Variants in ARID4B observed in about 807,000 individuals in gnomAD.
ARID4B encodes AT-rich interaction domain 4B.
In ARID4B, 26 loss-of-function variants were observed where a neutral mutation model predicts 147.5. The ratio of observed to expected loss-of-function variants is 0.18; its 90% CI spans 0.13 to 0.24. The LOEUF (loss-of-function observed/expected upper bound fraction) is 0.24. Ranked by LOEUF, ARID4B falls within the 10% of genes least tolerant of loss-of-function variation. The pLI is 1.00. For synonymous variants in ARID4B, 512 were observed against 507.9 expected (o/e 1.01, Z -0.11); for missense variants, 1,179 against 1,511.5 (o/e 0.78, Z 3.65).
intron 2 of ARID4B, among the ~76,000 whole-genome samples, chr1:235,299,788 G>C (rs982919763): frequency 3.0e-4 from 46 of 152,302 alleles, no homozygotes; most frequent in Non-Finnish European, 2.2e-4. Context: ...TTGTTCATTG[G>C]TGGTTAGCTG....
rs1277755806 is a variant in ARID4B, at chr1:235,255,228, T to G, written c.274+432A>C. On this transcript the variant is annotated intron_variant, in intron 5 of 23. Transcript: ENST00000264183. Reference sequence around the variant, plus strand: ...TGTTTCCTGCTGGGAGCTAGATAGATAGATAGATAGATAGATAGATAGATA... The same window carrying G: ...TGTTTCCTGCTGGGAGCTAGATAGAGAGATAGATAGATAGATAGATAGATA... Among the ~76,000 whole-genome samples the G allele has an allele frequency of 1.9e-3, 191 of 100,650 alleles. 1 individual carries two copies. Among genetic ancestry groups the G allele is most frequent in the South Asian group, 4.8e-3 (11 of 2,288 alleles). The allele number at this position is 100,650 out of a possible 152,430, so 66.0% of individuals were successfully genotyped here.
Position 235,240,431 on chromosome 1 carries a change from G to A in ARID4B, c.467C>T (p.Ser156Leu). 3 of 1,613,350 alleles carry A rather than the reference G, an allele frequency of 1.9e-6. No homozygotes were observed. In the South Asian group the frequency reaches 3.3e-5, roughly 18 times the overall value. Residue 156 changes from serine (S) to leucine (L), a missense_variant, in exon 8 of 24, where the codon TCA becomes TTA. Around this residue, in one of 10 missense-constraint regions of ARID4B, gnomAD observed 159 missense variants for 190.5 expected, o/e 0.83. Transcript: ENST00000264183. ...ATCCTCATCTTCATCACTGGAGGAT[G>A]ATGAAGACTCTTCCTCTGGTCTAGG... ...SNHIPEEESS[S>L]SSSDEDEDDR...
chr1:235,171,267 C>T (rs1223471318), intron 23 of ARID4B, among the ~76,000 whole-genome samples: 1 of 151,870 alleles, frequency 6.6e-6, no homozygotes, highest in Non-Finnish European at 1.5e-5. Context: ...GAAACCCCAT[C>T]TCTACTAAAA....
At chr1:235,228,177 T>C (rs1039765168) in intron 11 of ARID4B, 3 of 152,044 alleles carry the variant, frequency 2.0e-5, no homozygotes, top group Non-Finnish European at 4.4e-5. Context: ...AGATGTATTT[T>C]ATACTTTTCT....
At chr1:235,195,890 C>T (rs1665459613) in intron 18 of ARID4B, 141 bp downstream of exon 18, 1 of 599,280 alleles carries the variant, frequency 1.7e-6, no homozygotes, top group East Asian at 3.2e-5. Flanking sequence ...CCTAACCTGA[C>T]AAAATTAATT....
At chr1:235,291,439 TA>T (rs1331274273) in intron 2 of ARID4B, among the ~76,000 whole-genome samples, 1 of 151,766 alleles carries the variant, frequency 6.6e-6, no homozygotes, top group Non-Finnish European at 1.5e-5. Flanking sequence ...ATAAATAAAA[TA>T]AATTTTTAAT....
At chr1:235,175,075 C>G in intron 22 of ARID4B, 109 bp downstream of exon 22, 1 of 1,001,196 alleles carries the variant, frequency 1.0e-6, no homozygotes, top group Non-Finnish European at 1.5e-6. Flanking sequence ...CCACCGCACT[C>G]CAGCCTGGTG....
intron 19 of ARID4B, among the ~76,000 whole-genome samples, chr1:235,190,458 AAG>A (rs1489963162): frequency 1.6e-5 from 2 of 122,368 alleles, no homozygotes; most frequent in African/African-American, 2.8e-5. Flanking sequence ...AAAAAAAGAA[AAG>A]AAAAAAAAAA....
chr1:235,166,949 C>T lies in ARID4B; in HGVS notation c.*1576G>A, dbSNP rs1663005946. 1 of 178,420 alleles carries T rather than the reference C, an allele frequency of 5.6e-6. No individual in the cohort carries two copies. Among genetic ancestry groups the T allele is most frequent in the Non-Finnish European group, 1.2e-5 (1 of 82,910 alleles). The allele number at this position is 178,420 out of a possible 1,614,324, so 11.1% of individuals were successfully genotyped here. On this transcript the variant is annotated 3_prime_UTR_variant, in exon 24 of 24. Coordinates refer to ENST00000264183, the MANE Select transcript of ARID4B (RefSeq NM_016374.6). ...TTCAGAGCCTTTGCTTACATTTGTA[C>T]AATATATTACATAATTCTTCATTGT...
At chr1:235,225,053 G>A (rs183690492) in intron 11 of ARID4B, among the ~76,000 whole-genome samples, 2 of 115,494 alleles carry the variant, frequency 1.7e-5, no homozygotes, top group African/African-American at 6.4e-5. Flanking sequence ...ACTGTTCGTG[G>A]TTTTGTTTTG....
At chr1:235,277,495 C>T (rs550361259) in intron 2 of ARID4B, among the ~76,000 whole-genome samples, 41 of 149,774 alleles carry the variant, frequency 2.7e-4, no homozygotes, top group Middle Eastern at 6.9e-3. Context: ...GCCGAGATCC[C>T]GCCACTGCAC....
chr1:235,211,158 A>T (rs1050915081), intron 17 of ARID4B, among the ~76,000 whole-genome samples: 4 of 152,018 alleles, frequency 2.6e-5, no homozygotes, highest in African/African-American at 9.7e-5. Context: ...ACATGGAGAA[A>T]CCCCATCTCT....
At chr1:235,226,934 G>A (rs910956760) in intron 11 of ARID4B, among the ~76,000 whole-genome samples, 2 of 152,200 alleles carry the variant, frequency 1.3e-5, no homozygotes, top group African/African-American at 2.4e-5. Context: ...TTCCCAAAGT[G>A]CTGGGATTAC....
chr1:235,279,242 G>A (rs1671519792), intron 2 of ARID4B, among the ~76,000 whole-genome samples: 3 of 151,986 alleles, frequency 2.0e-5, no homozygotes, highest in Admixed American at 6.6e-5. Context: ...CTGACCCAGA[G>A]GTTATTCCTC....
chr1:235,251,597 G>T (rs571189541), intron 6 of ARID4B, among the ~76,000 whole-genome samples: 24 of 151,748 alleles, frequency 1.6e-4, no homozygotes, highest in Non-Finnish European at 3.2e-4. Flanking sequence ...TATCCCCAAA[G>T]AAACACTATT....
chr1:235,276,439 CTCTT>C (rs1671320415), intron 2 of ARID4B, among the ~76,000 whole-genome samples: 1 of 152,018 alleles, frequency 6.6e-6, no homozygotes, highest in Admixed American at 6.6e-5. Context: ...CTTCAACAGA[CTCTT>C]ACATTTCTAC....
rs1336640421 is a variant in ARID4B at position 235,279,210 on chromosome 1, C to T, written c.7-18458G>A. ...CCAGGACACTCTGATGCACCCCCCA[C>T]CCCCGGCAAGACTGAGAAACACTGA... On this transcript the variant is annotated intron_variant, in intron 2 of 23. Transcript: ENST00000264183. Among the ~76,000 whole-genome samples the T allele has an allele frequency of 2.0e-5, 3 of 152,204 alleles. No homozygotes were observed. The East Asian group carries it at 5.8e-4, about 29-fold the overall frequency.
chr1:235,313,337 AT>A (rs34571520), intron 2 of ARID4B, among the ~76,000 whole-genome samples: 44,424 of 149,872 alleles, frequency 0.3, 7,591 homozygotes, highest in South Asian at 0.53. Context: ...CCTAAGTTGA[AT>A]TTTTTTTTTT....
intron 2 of ARID4B, among the ~76,000 whole-genome samples, chr1:235,292,144 C>A (rs10925343): frequency 2.0e-5 from 3 of 152,132 alleles, no homozygotes; most frequent in Non-Finnish European, 4.4e-5. Context: ...TTCTTCATTT[C>A]GTTACATATT....
Sources: gnomAD v4.1 joint callset for allele counts (sites outside exome capture counted in the v4.1 genomes callset) on GRCh38, gnomAD v4.1.1 for gene constraint, gnomAD v4.1.1 regional missense constraint, MANE v1.5 for transcripts, NCBI Gene and HGNC (gene_info 2026-07-23, HGNC 2026-07-21) for gene names.